The following VAV2 variants were observed in gnomAD, a reference collection of about 807,000 sequenced individuals.
The protein encoded by VAV2 is vav guanine nucleotide exchange factor 2, also known as guanine nucleotide exchange factor VAV2.
Under a neutral mutation model 132.5 loss-of-function variants are expected in VAV2, and 67 were observed. That is an observed-to-expected ratio of 0.51 (90% CI 0.42 to 0.62). The LOEUF (loss-of-function observed/expected upper bound fraction) is 0.62, where lower values mean the gene tolerates loss of function less well. Ranked by LOEUF, VAV2 falls within the 20% of genes least tolerant of loss-of-function variation. VAV2 has a pLI of 0.00. For missense variants in VAV2, 938 were observed against 1,153.6 expected, an observed-to-expected ratio of 0.81 and a Z score of 2.71; for synonymous variants, 492 against 443.5, an observed-to-expected ratio of 1.11 and a Z score of -1.37.
intron 2 of VAV2, among the ~76,000 whole-genome samples, chr9:133,909,221 G>A (rs1474348309): frequency 1.3e-5 from 2 of 152,058 alleles, no homozygotes; most frequent in African/African-American, 2.4e-5. Context: ...TGGGGAGGTT[G>A]GGCTGGGTGT....
chr9:133,782,922 A>C lies in VAV2; in HGVS notation c.1723+581T>G, dbSNP rs572379026. 9.9e-5 allele frequency among the ~76,000 whole-genome samples: 15 copies of C among 152,252 alleles called. 1 individual carries two copies. In the South Asian group the frequency reaches 2.9e-3, roughly 29 times the overall value. On this transcript the variant is annotated intron_variant, in intron 19 of 29. Coordinates refer to ENST00000371850, the MANE Select transcript of VAV2 (RefSeq NM_001134398.2). ...CCCCCGACCCAAGGTGCTTCAGAGG[A>C]GCCTCCAGGGCGCATCCCTGCCTCT...
chr9:133,792,596 C>G (rs1219664768), intron 12 of VAV2, among the ~76,000 whole-genome samples: 2 of 150,104 alleles, frequency 1.3e-5, no homozygotes, highest in East Asian at 4.0e-4. Context: ...TGTGTGTGAG[C>G]AAGCTGTGCT....
intron 19 of VAV2, among the ~76,000 whole-genome samples, chr9:133,781,190 G>A (rs1176833632): frequency 3.9e-5 from 6 of 152,190 alleles, no homozygotes; most frequent in African/African-American, 9.7e-5. Flanking sequence ...GCATTGGTAC[G>A]CATGCTACCT....
Position 133,883,746 on chromosome 9 carries a change from C to T in VAV2, c.322-22314G>A, listed in dbSNP as rs964864269. 2.6e-5 allele frequency among the ~76,000 whole-genome samples: 4 copies of T among 152,166 alleles called. No homozygotes were observed. Among genetic ancestry groups the T allele is most frequent in the East Asian group, 1.9e-4 (1 of 5,196 alleles). ...GGAGCTCACTACCCAAGGTGGCGGA[C>T]GAGAAGCCCTCCCGGGATCCAGTGC... On this transcript the variant is annotated intron_variant, in intron 2 of 29. Transcript: ENST00000371850. The surrounding 1 kb of genome is among the most constrained non-coding windows in gnomAD (Gnocchi z 4.2).
chr9:133,914,103 G>A (rs1295964651), intron 2 of VAV2, among the ~76,000 whole-genome samples: 1 of 152,224 alleles, frequency 6.6e-6, no homozygotes, highest in Non-Finnish European at 1.5e-5. Flanking sequence ...AGGTGCCCTG[G>A]ACAGTCCAGC....
intron 13 of VAV2, among the ~76,000 whole-genome samples, chr9:133,790,216 A>G (rs1389877378): frequency 1.3e-5 from 2 of 152,122 alleles, no homozygotes; most frequent in Non-Finnish European, 2.9e-5. Flanking sequence ...TCACTACGTC[A>G]CCCAGGCTGG....
At chr9:133,831,313 G>A (rs1230436631) in intron 4 of VAV2, among the ~76,000 whole-genome samples, 1 of 152,176 alleles carries the variant, frequency 6.6e-6, no homozygotes. Context: ...GTGCATGCCT[G>A]TAATCCCAGC....
chr9:133,950,360 C>T (rs780836570), intron 1 of VAV2, among the ~76,000 whole-genome samples: 7 of 152,080 alleles, frequency 4.6e-5, no homozygotes, highest in East Asian at 1.9e-4. Flanking sequence ...AGTCAGACAC[C>T]GAATAAGAGG....
At chr9:133,956,743 A>C (rs1182185487) in intron 1 of VAV2, among the ~76,000 whole-genome samples, 2 of 152,220 alleles carry the variant, frequency 1.3e-5, no homozygotes, top group Non-Finnish European at 2.9e-5. Flanking sequence ...CCAGGCCAAC[A>C]GCTGGGCCAG....
At position 133,768,576 on chromosome 9, in the gene VAV2, C is replaced by T. The variant is rs148033881; in HGVS notation, c.2455G>A (p.Gly819Ser). Reference sequence around the variant, plus strand: ...AAGTTATACCTGGCCACAGCTGTGCCGATGACGCGGGGCGTGAACACTGTT... The same window carrying T: ...AAGTTATACCTGGCCACAGCTGTGCTGATGACGCGGGGCGTGAACACTGTT... The part of the protein sequence containing the change: ...FWSVFTPRVI[G>S]TAVARYNFAA... The change falls in exon 29 of 30, where the codon GGC becomes AGC. Residue 819 changes from glycine (G) to serine (S), a missense_variant. Transcript: ENST00000371850. This position sits in a 1 kb window ranked among gnomAD's most constrained non-coding sequence, Gnocchi z 5.3. 487 of 1,613,892 alleles carry T rather than the reference C, an allele frequency of 3.0e-4. No homozygotes were observed. Among genetic ancestry groups the T allele is most frequent in the Middle Eastern group, 1.3e-3 (8 of 6,060 alleles).
chr9:133,831,897 T>A (rs1836279624), intron 4 of VAV2, among the ~76,000 whole-genome samples: 2 of 152,108 alleles, frequency 1.3e-5, no homozygotes, highest in Admixed American at 1.3e-4. Context: ...GCCAGTGGTG[T>A]CCCCTCTCTG....
At position 133,924,225 on chromosome 9, in the gene VAV2, C is replaced by T. The variant is rs183528294; in HGVS notation, c.321+14878G>A. The stretch of plus-strand genomic sequence containing the variant: ...TTTGAGACAGTCTCGCTCTGTTGCC[C>T]GGGCTGGAAGTGCAGTGGTATATCT... On this transcript the variant is annotated intron_variant, in intron 2 of 29. Coordinates refer to ENST00000371850, the MANE Select transcript of VAV2 (RefSeq NM_001134398.2). Among the ~76,000 whole-genome samples, 156 of 152,196 alleles carry T rather than the reference C, an allele frequency of 1.0e-3. 2 individuals are homozygous for T. The highest frequency in any genetic ancestry group is 7.1e-4 in the Non-Finnish European group (48 of 68,010).
intron 29 of VAV2, 106 bp from the exon 30 acceptor site, chr9:133,764,215 G>A (rs1833359831): frequency 1.4e-6 from 2 of 1,435,216 alleles, no homozygotes; most frequent in Non-Finnish European, 1.9e-6. Context: ...TGAAGATGGG[G>A]GGCCCTTCGG....
At chr9:133,898,276 C>T (rs1053878578) in intron 2 of VAV2, among the ~76,000 whole-genome samples, 2 of 152,136 alleles carry the variant, frequency 1.3e-5, no homozygotes, top group Non-Finnish European at 2.9e-5. Flanking sequence ...TTCTCCACAA[C>T]GCCAGACCCT....
chr9:133,841,327 G>A (rs753061850), intron 3 of VAV2, among the ~76,000 whole-genome samples: 6 of 151,894 alleles, frequency 4.0e-5, no homozygotes, highest in African/African-American at 1.5e-4. Context: ...AAACCATCTC[G>A]GATGCAGCAC....
At chr9:133,815,235 G>A (rs1835511374) in intron 4 of VAV2, among the ~76,000 whole-genome samples, 2 of 152,004 alleles carry the variant, frequency 1.3e-5, no homozygotes, top group South Asian at 2.1e-4. Flanking sequence ...GAACTGTCAC[G>A]CCCGGATCTA....
At chr9:133,775,314 GTGGCCACCAGC>G (rs912868825) in intron 24 of VAV2, among the ~76,000 whole-genome samples, 10 of 152,200 alleles carry the variant, frequency 6.6e-5, no homozygotes, top group Non-Finnish European at 8.8e-5. Flanking sequence ...AGGGGTGACT[GTGGCCACCAGC>G]CAGTCCCACA....
rs1417316207 is a variant in VAV2, at chr9:133,857,758, A to C, written c.380+3616T>G. Among the ~76,000 whole-genome samples, 1 of 152,124 alleles carries C rather than the reference A, an allele frequency of 6.6e-6. No homozygotes were observed. Among genetic ancestry groups the C allele is most frequent in the African/African-American group, 2.4e-5 (1 of 41,434 alleles). Reference sequence around the variant, plus strand: ...GGGCTGCCTGGGAGGGTTGCCTGTCACCTGTCTCCTGAGCTCCCGGGTGAG... The same window carrying C: ...GGGCTGCCTGGGAGGGTTGCCTGTCCCCTGTCTCCTGAGCTCCCGGGTGAG... On this transcript the variant is annotated intron_variant, in intron 3 of 29. Coordinates refer to ENST00000371850, the MANE Select transcript of VAV2 (RefSeq NM_001134398.2). This position sits in a 1 kb window ranked among gnomAD's most constrained non-coding sequence, Gnocchi z 4.0.
At chr9:133,832,336 C>T (rs1036552388) in intron 4 of VAV2, among the ~76,000 whole-genome samples, 1 of 152,152 alleles carries the variant, frequency 6.6e-6, no homozygotes, top group Non-Finnish European at 1.5e-5. Context: ...AGGAAGGGTA[C>T]AGGGGGGTAT....
Sources: gnomAD v4.1 joint callset for allele counts (sites outside exome capture counted in the v4.1 genomes callset) on GRCh38, gnomAD v4.1.1 for gene constraint, Gnocchi (gnomAD v3.1) non-coding constraint, MANE v1.5 for transcripts, NCBI Gene and HGNC (gene_info 2026-07-23, HGNC 2026-07-21) for gene names.